TRABD2A: variants seen among roughly 807,000 people sequenced by gnomAD.
TRABD2A encodes the protein metalloprotease TIKI1.
A neutral mutation model predicts 45.6 loss-of-function variants in TRABD2A; 43 were observed. The ratio of observed to expected loss-of-function variants is 0.94; its 90% CI spans 0.74 to 1.22. The LOEUF is 1.22. Among genes scored for constraint, TRABD2A ranks in the 50% most tolerant of loss-of-function variants. The pLI is 0.00. For missense variants in TRABD2A, 642 were observed against 652.4 expected (o/e 0.98, Z 0.17); for synonymous variants, 269 against 265.0 (o/e 1.02, Z -0.15).
intron 1 of TRABD2A, 59 bp from the exon 2 acceptor site, chr2:84,870,844 C>A: frequency 7.0e-7 from 1 of 1,422,864 alleles, no homozygotes; most frequent in Non-Finnish European, 9.4e-7. Context: ...GGTCAGGAAC[C>A]TGTGAGAGGA....
intron 1 of TRABD2A, among the ~76,000 whole-genome samples, chr2:84,874,374 G>C (rs1033925614): frequency 1.3e-5 from 2 of 152,166 alleles, no homozygotes; most frequent in Non-Finnish European, 2.9e-5. Context: ...CATTTCGCCT[G>C]GACTGTCCCA....
rs545081934 is a variant in TRABD2A at position 84,831,157 on chromosome 2, T to A, written c.1082+898A>T. ...GGGCCCTAGTCCAATAGGACTAGTG[T>A]CCTTAGTAGAAGAGAGGCCAGGGAT... On this transcript the variant is annotated intron_variant, in intron 5 of 6. Transcript: ENST00000409520. Among the ~76,000 whole-genome samples the A allele has an allele frequency of 2.6e-5, 4 of 151,762 alleles. No individual in the cohort carries two copies. In the East Asian group the frequency reaches 7.8e-4, roughly 30 times the overall value.
chr2:84,837,435 CTG>C (rs1488849608), intron 4 of TRABD2A: 1 of 152,166 alleles, frequency 6.6e-6, no homozygotes, highest in Non-Finnish European at 1.5e-5. Context: ...TAGTTTTGCT[CTG>C]TGTCTTATAA....
At chr2:84,847,477 T>G (rs1423900083) in intron 2 of TRABD2A, among the ~76,000 whole-genome samples, 1 of 152,158 alleles carries the variant, frequency 6.6e-6, no homozygotes, top group African/African-American at 2.4e-5. Context: ...TGTCACTGAT[T>G]AAGTCACCTC....
At chr2:84,873,232 A>G (rs1042420278) in intron 1 of TRABD2A, among the ~76,000 whole-genome samples, 1 of 151,890 alleles carries the variant, frequency 6.6e-6, no homozygotes, top group African/African-American at 2.4e-5. Context: ...CCTGTCCAAC[A>G]TGATGAAACT....
chr2:84,840,098 T>C (rs1681657397), intron 3 of TRABD2A, among the ~76,000 whole-genome samples: 1 of 152,122 alleles, frequency 6.6e-6, no homozygotes, highest in Admixed American at 6.5e-5. Context: ...CCCATTATCT[T>C]GGTCAGTATC....
At position 84,854,204 on chromosome 2, in the gene TRABD2A, G is replaced by A. The variant is rs185249299; in HGVS notation, c.670-12197C>T. On this transcript the variant is annotated intron_variant, in intron 2 of 6. Coordinates refer to ENST00000409520, the MANE Select transcript of TRABD2A (RefSeq NM_001277053.2). ...TGACAAAGTATTTGGGAGGGTGTGCGTAGGTTATATCCAAATGCAACTTGC... is the reference window on the plus strand; with the variant it reads ...TGACAAAGTATTTGGGAGGGTGTGCATAGGTTATATCCAAATGCAACTTGC... Among the ~76,000 whole-genome samples, 278 of 152,164 alleles carry A rather than the reference G, an allele frequency of 1.8e-3. 8 individuals carry two copies. The highest frequency in any genetic ancestry group is 0.015 in the Admixed American group (229 of 15,282).
chr2:84,838,042 C>A, intron 4 of TRABD2A: 1 of 572,100 alleles, frequency 1.7e-6, no homozygotes, highest in East Asian at 2.9e-5. Context: ...ACAGAGCAAG[C>A]TCTGAGTCAG....
Position 84,860,561 on chromosome 2 carries a change from G to C in TRABD2A, c.669+9664C>G, listed in dbSNP as rs537572785. On this transcript the variant is annotated intron_variant, in intron 2 of 6. Coordinates refer to ENST00000409520, the MANE Select transcript of TRABD2A (RefSeq NM_001277053.2). ...TTAAGCCACCCGGTTGGTGGTACTT[G>C]GTTTATGGCAGCCCTAGCAAACTAA... Among the ~76,000 whole-genome samples, 26 of 152,324 alleles carry C rather than the reference G, an allele frequency of 1.7e-4. No homozygotes were observed. In the South Asian group the frequency reaches 5.2e-3, roughly 30 times the overall value.
chr2:84,824,004 C>A lies in TRABD2A; in HGVS notation c.1283G>T (p.Arg428Leu), dbSNP rs2288352. The A allele has an allele frequency of 1.9e-6, 3 of 1,613,792 alleles. No individual in the cohort carries two copies. Among genetic ancestry groups the A allele is most frequent in the Non-Finnish European group, 2.5e-6 (3 of 1,179,738 alleles). The change falls in exon 6 of 7, where the codon CGG (arginine) becomes CTG (leucine). Residue 428 changes from arginine (R) to leucine (L), a missense_variant. Arg to Leu is a moderately radical substitution (Grantham distance 102). Transcript: ENST00000409520. The stretch of plus-strand genomic sequence containing the variant: ...GCTGAATTGCCGGAGTCGCGGCCTC[C>A]GCTGTGACCGCCTCCGCTTCTTCCG... ...RFRKKRRRSQ[R>L]RPRLRQFSDL... is the part of the protein sequence containing the mutation.
intron 4 of TRABD2A, chr2:84,832,624 A>AC (rs1681375846): frequency 6.5e-6 from 1 of 154,328 alleles, no homozygotes; most frequent in African/African-American, 2.4e-5. Flanking sequence ...ACATGGTTAA[A>AC]CCCCATCTCT....
At chr2:84,835,270 A>G (rs1159821256) in intron 4 of TRABD2A, 1 of 152,226 alleles carries the variant, frequency 6.6e-6, no homozygotes, top group Admixed American at 6.5e-5. Context: ...TGGGACCTAG[A>G]GTTACAGCAA....
intron 1 of TRABD2A, among the ~76,000 whole-genome samples, chr2:84,875,737 C>T (rs766364802): frequency 2.6e-5 from 4 of 152,134 alleles, no homozygotes; most frequent in Admixed American, 1.3e-4. Flanking sequence ...CTGGCCAGCA[C>T]GGTGCCTCAT....
chr2:84,861,597 T>C (rs922545969), intron 2 of TRABD2A, among the ~76,000 whole-genome samples: 78 of 152,282 alleles, frequency 5.1e-4, no homozygotes, highest in African/African-American at 1.2e-3. Flanking sequence ...GGCGTGGTGA[T>C]TGGGGACCCC....
rs1463464136 is a variant in TRABD2A, at chr2:84,839,411, G to C, written c.817-88C>G. On this transcript the variant is annotated intron_variant, in intron 3 of 6. Transcript: ENST00000409520. The stretch of plus-strand genomic sequence containing the variant: ...TTGGAGCATCAAATCCCCCAACCTA[G>C]ATGGTCAAGACGTTGTCAAGAGAAG... 2.3e-6 allele frequency: 3 copies of C among 1,286,838 alleles called. No homozygotes were observed. The Admixed American group carries it at 7.0e-5, about 30-fold the overall frequency. 79.7% of individuals were successfully genotyped at this position (1,286,838 alleles called of 1,614,324 possible).
chr2:84,844,375 C>G (rs745631148), intron 2 of TRABD2A, among the ~76,000 whole-genome samples: 1 of 152,154 alleles, frequency 6.6e-6, no homozygotes, highest in Non-Finnish European at 1.5e-5. Flanking sequence ...ATGTAAGACA[C>G]GCCTTTCCTC....
chr2:84,837,526 T>C (rs1237195703), intron 4 of TRABD2A: 1 of 152,204 alleles, frequency 6.6e-6, no homozygotes, highest in African/African-American at 2.4e-5. Context: ...CCCAGGTGCA[T>C]TGTTGTTGCT....
intron 1 of TRABD2A, among the ~76,000 whole-genome samples, chr2:84,871,374 A>C (rs150981951): frequency 2.7e-4 from 41 of 152,322 alleles, no homozygotes; most frequent in Non-Finnish European, 4.0e-4. Context: ...CAGAGGCTTC[A>C]ACTCTAGCTA....
rs994388028 is a variant in TRABD2A, at chr2:84,830,953, C to T, written c.1082+1102G>A. Among the ~76,000 whole-genome samples the T allele has an allele frequency of 4.6e-5, 7 of 152,162 alleles. No homozygotes were observed. Among genetic ancestry groups the T allele is most frequent in the Non-Finnish European group, 8.8e-5 (6 of 68,022 alleles). On this transcript the variant is annotated intron_variant, in intron 5 of 6. Transcript: ENST00000409520. This position sits in a 1 kb window ranked among gnomAD's most constrained non-coding sequence, Gnocchi z 4.9. The stretch of plus-strand genomic sequence containing the variant: ...AACTCTCTCGCTACAGCTGAGACCT[C>T]TGCCAGGAGAGGGGGCTGCTGACCA...
Sources: gnomAD v4.1 joint callset for allele counts (sites outside exome capture counted in the v4.1 genomes callset) on GRCh38, gnomAD v4.1.1 for gene constraint, Gnocchi (gnomAD v3.1) non-coding constraint, MANE v1.5 for transcripts, NCBI Gene and HGNC (gene_info 2026-07-23, HGNC 2026-07-21) for gene names.